PER3: variants seen among roughly 807,000 people sequenced by gnomAD.
The protein encoded by PER3 is period circadian protein homolog 3.
In PER3, 107 loss-of-function variants were observed where a neutral mutation model predicts 127.2. The ratio of observed to expected loss-of-function variants is 0.84; its 90% CI spans 0.72 to 0.99. The LOEUF (loss-of-function observed/expected upper bound fraction) is 0.99, where lower values mean the gene tolerates loss of function less well. PER3 is among the 50% of genes least tolerant of loss of function. The pLI is 0.00. For synonymous variants in PER3, 618 were observed against 585.8 expected (o/e 1.05, Z -0.79); for missense variants, 1,560 against 1,525.8 (o/e 1.02, Z -0.37).
At chr1:7,800,156 G>T (rs1043771497) in intron 7 of PER3, among the ~76,000 whole-genome samples, 1 of 151,606 alleles carries the variant, frequency 6.6e-6, no homozygotes, top group Non-Finnish European at 1.5e-5. Flanking sequence ...ATGAAATAGC[G>T]CACAAGCAAA....
At position 7,788,179 on chromosome 1, in the gene PER3, C is replaced by T. The variant is rs781517960; in HGVS notation, c.525C>T (p.Asp175=). 1.2e-6 allele frequency: 2 copies of T among 1,614,054 alleles called. No homozygotes were observed. The highest frequency in any genetic ancestry group is 2.2e-5 in the East Asian group (1 of 44,876). ...TTGTTGACCTGCTTGCACCTCAAGA[C>T]ATGAGGGTATTCTACGCGCACACTG... ...SHFVDLLAPQ[D]MRVFYAHTAR... Residue 175 remains aspartate (D), a synonymous_variant, in exon 5 of 22, where the codon GAC becomes GAT. Transcript: ENST00000377532.
chr1:7,836,917 G>C (rs2097361306), intron 20 of PER3, 82 bp from the exon 21 acceptor site: 1 of 1,060,904 alleles, frequency 9.4e-7, no homozygotes, highest in Admixed American at 2.2e-5. Flanking sequence ...TACCAACCAA[G>C]AAGAAGTGCT....
At chr1:7,839,376 C>A (rs139579916) in intron 21 of PER3, among the ~76,000 whole-genome samples, 11 of 152,264 alleles carry the variant, frequency 7.2e-5, no homozygotes, top group Admixed American at 6.5e-4. Flanking sequence ...TAAAATAATA[C>A]TGGATTTTAT....
chr1:7,787,797 T>C, intron 4 of PER3: 1 of 513,012 alleles, frequency 1.9e-6, no homozygotes, highest in Admixed American at 3.2e-5. Flanking sequence ...TATTTTAGTC[T>C]GCATAGAATA....
In PER3 at chr1:7,835,928, A is replaced by G. The variant is rs779301803; in HGVS notation, c.3381A>G (p.Thr1127=). The G allele has an allele frequency of 1.7e-5, 28 of 1,600,270 alleles. No homozygotes were observed. Among genetic ancestry groups the G allele is most frequent in the East Asian group, 2.2e-5 (1 of 44,816 alleles). Residue 1127 remains threonine, a synonymous_variant, in exon 20 of 22, where the codon ACA becomes ACG. Transcript: ENST00000377532. ...AGACACCTGAGCGCATTCTCATGACATACCAGGTACCTGAGAGGTAAGAAA... is the reference window on the plus strand; with the variant it reads ...AGACACCTGAGCGCATTCTCATGACGTACCAGGTACCTGAGAGGTAAGAAA... ...IRQTPERILM[T]YQVPERVKEV...
At position 7,803,788 on chromosome 1, in the gene PER3, G is replaced by A. The variant is rs1158303927; in HGVS notation, c.1076G>A (p.Ser359Asn). The change falls in exon 10 of 22, where the codon AGC (serine) becomes AAC (asparagine). Residue 359 changes from serine to asparagine, a missense_variant. Around this residue, in one of 3 missense-constraint regions of PER3, gnomAD observed 1,332 missense variants for 1,223.6 expected, o/e 1.09. Coordinates refer to ENST00000377532, the MANE Select transcript of PER3 (RefSeq NM_001377275.1). ...ATCATACTGGATTCCAGTTGGTCCAGCTTTGTGAATCCCTGGAGCCGGAAG... is the reference window on the plus strand; with the variant it reads ...ATCATACTGGATTCCAGTTGGTCCAACTTTGTGAATCCCTGGAGCCGGAAG... ...DYIILDSSWS[S>N]FVNPWSRKIS... is the part of the protein sequence containing the mutation. The A allele has an allele frequency of 6.2e-7, 1 of 1,613,812 alleles. No individual in the cohort carries two copies. The highest frequency in any genetic ancestry group is 2.2e-5 in the East Asian group (1 of 44,886).
Position 7,798,663 on chromosome 1 carries a change from TGG to T in PER3, c.784_785del (p.Gly262LeufsTer2). 1 of 1,613,572 alleles carries T rather than the reference TGG, an allele frequency of 6.2e-7. No individual in the cohort carries two copies. Among genetic ancestry groups the T allele is most frequent in the South Asian group, 1.1e-5 (1 of 91,044 alleles). ...TCACTGTGGTTGAAAAGATTCACTC[TGG>T]TTATGAAGGTAAGTCAGTAGATAAG... ...CLTVVEKIHS[G>X]YEAPRIPVNK... On this transcript the variant is annotated frameshift_variant, in exon 7 of 22. Transcript: ENST00000377532. LOFTEE classifies it high-confidence loss of function.
chr1:7,810,225 C>T (rs960170825), intron 12 of PER3: 37 of 636,216 alleles, frequency 5.8e-5, no homozygotes, highest in Admixed American at 3.3e-4. Context: ...TAATTGTATG[C>T]GTTCTAAAAA....
intron 21 of PER3, among the ~76,000 whole-genome samples, chr1:7,840,004 G>A (rs118175389): frequency 6.6e-6 from 1 of 152,174 alleles, no homozygotes; most frequent in East Asian, 1.9e-4. Flanking sequence ...GGCCCCTGTA[G>A]TGCTTATGTT....
Position 7,808,988 on chromosome 1 carries a change from T to C in PER3, c.1232T>C (p.Leu411Pro), listed in dbSNP as rs1377979708. 2.7e-6 allele frequency: 4 copies of C among 1,486,832 alleles called. No homozygotes were observed. The highest frequency in any genetic ancestry group is 1.7e-5 in the Admixed American group (1 of 59,302). The allele number at this position is 1,486,832 out of a possible 1,614,324, so 92.1% of individuals were successfully genotyped here. A position where few individuals can be genotyped will look rare whatever the true frequency, so the allele number is the denominator to read the frequency against. Residue 411 changes from leucine to proline, a missense_variant, in exon 11 of 22, where the codon CTT becomes CCT. Physicochemically the swap from Leu to Pro is moderately conservative, Grantham distance 98 (BLOSUM62 -3). Transcript: ENST00000377532. ...GAATTACAAGAACAAATTTACAAAC[T>C]TCTCTTACAGGTAAGGTGAGATTGT... ...ITELQEQIYK[L>P]LLQPVHVSVS... is the part of the protein sequence containing the mutation.
intron 16 of PER3, among the ~76,000 whole-genome samples, chr1:7,824,499 C>T (rs1405110032): frequency 1.3e-5 from 2 of 151,942 alleles, no homozygotes; most frequent in Non-Finnish European, 2.9e-5. Flanking sequence ...AAACTGTAGA[C>T]TCAGTTTCTC....
At chr1:7,821,648 T>G (rs967998446) in intron 16 of PER3, among the ~76,000 whole-genome samples, 1 of 152,212 alleles carries the variant, frequency 6.6e-6, no homozygotes, top group Admixed American at 6.5e-5. Context: ...CACTCTGCTT[T>G]CTATACTCTG....
intron 19 of PER3, among the ~76,000 whole-genome samples, chr1:7,830,741 C>CG (rs1558472675): frequency 6.6e-6 from 1 of 151,982 alleles, no homozygotes; most frequent in African/African-American, 2.4e-5. Flanking sequence ...ATCTTTCCCC[C>CG]GTTAAATTGC....
chr1:7,834,729 A>G (rs4523534), intron 19 of PER3, among the ~76,000 whole-genome samples: 42,729 of 152,120 alleles, frequency 0.28, 6,318 homozygotes, highest in Middle Eastern at 0.47. Flanking sequence ...AAGTGCCAGG[A>G]TTACAGGTGT....
chr1:7,817,909 C>T (rs1042325378), intron 13 of PER3, among the ~76,000 whole-genome samples: 2 of 152,168 alleles, frequency 1.3e-5, no homozygotes, highest in African/African-American at 4.8e-5. Flanking sequence ...TAACTTTACA[C>T]AGGACAAACA....
At chr1:7,828,882 T>C (rs2097315248) in intron 18 of PER3, among the ~76,000 whole-genome samples, 1 of 152,142 alleles carries the variant, frequency 6.6e-6, no homozygotes, top group Non-Finnish European at 1.5e-5. Flanking sequence ...ATTATATTCC[T>C]AGTGTTTGAC....
At chr1:7,790,431 G>A (rs2097113860) in intron 5 of PER3, among the ~76,000 whole-genome samples, 1 of 152,150 alleles carries the variant, frequency 6.6e-6, no homozygotes, top group Non-Finnish European at 1.5e-5. Context: ...CAGCATGGGG[G>A]AAACTGCCCC....
chr1:7,790,359 G>GA (rs901036998), intron 5 of PER3, among the ~76,000 whole-genome samples: 3 of 152,142 alleles, frequency 2.0e-5, no homozygotes, highest in African/African-American at 7.2e-5. Context: ...AATGGGAGCC[G>GA]AGTGAAGGAG....
chr1:7,827,371 C>A lies in PER3; in HGVS notation c.2442C>A (p.Ala814=). The change falls in exon 18 of 22, where the codon GCC becomes GCA. Residue 814 remains alanine (A), a synonymous_variant. Coordinates refer to ENST00000377532, the MANE Select transcript of PER3 (RefSeq NM_001377275.1). ...TCGTCCCAGCTTTTCCCCTCCCAGC[C>A]GCGACCTCACCCGGAAGAGAATACG... The part of the protein sequence containing the change: ...PYLVPAFPLP[A]ATSPGREYAA... 2 of 1,614,124 alleles carry A rather than the reference C, an allele frequency of 1.2e-6. No individual in the cohort carries two copies. The highest frequency in any genetic ancestry group is 2.2e-5 in the South Asian group (2 of 91,084).
Sources: gnomAD v4.1 joint callset for allele counts (sites outside exome capture counted in the v4.1 genomes callset) on GRCh38, gnomAD v4.1.1 for gene constraint, gnomAD v4.1.1 regional missense constraint, MANE v1.5 for transcripts, NCBI Gene and HGNC (gene_info 2026-07-23, HGNC 2026-07-21) for gene names.